Variants in RUNDC3B observed in about 807,000 individuals in gnomAD.
The protein encoded by RUNDC3B is RUN domain-containing protein 3B.
A neutral mutation model predicts 58.4 loss-of-function variants in RUNDC3B; 33 were observed. The observed-to-expected ratio is 0.56, with a 90% confidence interval of 0.43 to 0.75. The LOEUF is 0.75. Among genes scored for constraint, RUNDC3B ranks in the 30% least tolerant of loss-of-function variants. The pLI is 0.00. For synonymous variants in RUNDC3B, 193 were observed against 195.2 expected, an observed-to-expected ratio of 0.99 and a Z score of 0.10; for missense variants, 501 against 535.7, an observed-to-expected ratio of 0.94 and a Z score of 0.64.
At chr7:87,667,232 T>C (rs1361180258) in intron 2 of RUNDC3B, among the ~76,000 whole-genome samples, 5 of 152,142 alleles carry the variant, frequency 3.3e-5, no homozygotes, top group Non-Finnish European at 7.4e-5. Context: ...CTATGAAGTT[T>C]ATTCTTTTTC....
At chr7:87,723,612 A>T (rs1563163692) in intron 4 of RUNDC3B, among the ~76,000 whole-genome samples, 1 of 152,200 alleles carries the variant, frequency 6.6e-6, no homozygotes, top group Non-Finnish European at 1.5e-5. Context: ...TTTAATTATT[A>T]AAAATGAGTA....
At chr7:87,634,971 A>G (rs1821617016) in intron 1 of RUNDC3B, among the ~76,000 whole-genome samples, 1 of 152,176 alleles carries the variant, frequency 6.6e-6, no homozygotes, top group Non-Finnish European at 1.5e-5. Flanking sequence ...ACAAAAGGTC[A>G]TTTTCTCTTC....
chr7:87,778,053 G>T, intron 8 of RUNDC3B, 98 bp downstream of exon 8: 1 of 994,924 alleles, frequency 1.0e-6, no homozygotes, highest in Non-Finnish European at 1.5e-6. Context: ...AAATCTTATT[G>T]CCTGTTAAAT....
chr7:87,786,626 A>G (rs77358964), intron 8 of RUNDC3B, among the ~76,000 whole-genome samples: 135 of 152,118 alleles, frequency 8.9e-4, no homozygotes, highest in East Asian at 8.1e-3. Context: ...AGATAATTTC[A>G]TTTTTCTTTT....
At chr7:87,694,768 A>C (rs1828349385) in intron 2 of RUNDC3B, among the ~76,000 whole-genome samples, 1 of 152,182 alleles carries the variant, frequency 6.6e-6, no homozygotes, top group African/African-American at 2.4e-5. Context: ...GGAAAAAACA[A>C]AACGTTTGTT....
chr7:87,726,042 G>C (rs1266364454), intron 4 of RUNDC3B, among the ~76,000 whole-genome samples: 1 of 151,954 alleles, frequency 6.6e-6, no homozygotes, highest in Non-Finnish European at 1.5e-5. Context: ...TCTGTAGGTT[G>C]CCTGTTCACT....
intron 8 of RUNDC3B, among the ~76,000 whole-genome samples, chr7:87,791,245 T>C (rs1835506672): frequency 1.3e-5 from 2 of 152,068 alleles, no homozygotes; most frequent in South Asian, 4.1e-4. Context: ...AAAATATCCT[T>C]CAAACATGAA....
At chr7:87,658,062 A>G (rs139593408) in intron 2 of RUNDC3B, among the ~76,000 whole-genome samples, 202 of 152,344 alleles carry the variant, frequency 1.3e-3, no homozygotes, top group African/African-American at 4.4e-3. Context: ...AATAAAAGAT[A>G]GTCAATAGAT....
At chr7:87,823,528 T>C (rs1255093329) in intron 10 of RUNDC3B, among the ~76,000 whole-genome samples, 6 of 152,042 alleles carry the variant, frequency 3.9e-5, no homozygotes, top group Non-Finnish European at 8.8e-5. Flanking sequence ...ACCTGAGCAG[T>C]ATACACTGCA....
chr7:87,671,539 G>C (rs761102214), intron 2 of RUNDC3B, among the ~76,000 whole-genome samples: 33 of 152,110 alleles, frequency 2.2e-4, no homozygotes, highest in Non-Finnish European at 2.6e-4. Flanking sequence ...CTAGTACCTG[G>C]AGGTATCACC....
intron 10 of RUNDC3B, among the ~76,000 whole-genome samples, chr7:87,827,901 T>C (rs1205727910): frequency 6.6e-6 from 1 of 152,164 alleles, no homozygotes; most frequent in Non-Finnish European, 1.5e-5. Flanking sequence ...CAGTGGTGCA[T>C]GCCTGTAATC....
intron 1 of RUNDC3B, among the ~76,000 whole-genome samples, chr7:87,639,311 C>T (rs1293405501): frequency 6.6e-6 from 1 of 152,034 alleles, no homozygotes; most frequent in Non-Finnish European, 1.5e-5. Flanking sequence ...CTTTATGATG[C>T]AGTATATGGT....
At chr7:87,748,062 T>G (rs1832749322) in intron 6 of RUNDC3B, among the ~76,000 whole-genome samples, 1 of 152,230 alleles carries the variant, frequency 6.6e-6, no homozygotes, top group African/African-American at 2.4e-5. Context: ...CTGTGGAGTT[T>G]TAGCCCCTGC....
At chr7:87,690,011 A>G (rs1827866264) in intron 2 of RUNDC3B, among the ~76,000 whole-genome samples, 1 of 152,004 alleles carries the variant, frequency 6.6e-6, no homozygotes, top group South Asian at 2.1e-4. Context: ...TAAATTTTTT[A>G]TAGAGACAGA....
At chr7:87,806,114 A>G (rs910868330) in intron 8 of RUNDC3B, among the ~76,000 whole-genome samples, 15 of 152,194 alleles carry the variant, frequency 9.9e-5, no homozygotes, top group African/African-American at 3.4e-4. Context: ...ACTTTGGCCT[A>G]TTTTAGTATT....
At chr7:87,714,922 C>T (rs1484363667) in intron 4 of RUNDC3B, among the ~76,000 whole-genome samples, 11 of 152,096 alleles carry the variant, frequency 7.2e-5, no homozygotes, top group East Asian at 1.9e-4. Flanking sequence ...GGGGGAAGCA[C>T]GTCACGCGCT....
chr7:87,722,890 G>C (rs1830986840), intron 4 of RUNDC3B, among the ~76,000 whole-genome samples: 1 of 152,156 alleles, frequency 6.6e-6, no homozygotes, highest in African/African-American at 2.4e-5. Flanking sequence ...CCGATTCACT[G>C]AGTCCAAGTG....
chr7:87,799,502 A>G (rs978469732), intron 8 of RUNDC3B, among the ~76,000 whole-genome samples: 1 of 152,122 alleles, frequency 6.6e-6, no homozygotes, highest in African/African-American at 2.4e-5. Flanking sequence ...ATTTTCATGA[A>G]GATTGATAGC....
Position 87,731,938 on chromosome 7 carries a change from A to T in RUNDC3B, c.459-7853A>T, listed in dbSNP as rs534616831. On this transcript the variant is annotated intron_variant, in intron 4 of 10. Transcript: ENST00000394654. ...ATGGACCTAATAGATGTTGCACAGA[A>T]TATTTTATCCAATGACTGCAGAATT... Among the ~76,000 whole-genome samples the T allele has an allele frequency of 5.9e-4, 90 of 152,310 alleles. 1 individual carries two copies. The highest frequency in any genetic ancestry group is 3.7e-3 in the South Asian group (18 of 4,824).
Sources: gnomAD v4.1 joint callset for allele counts (sites outside exome capture counted in the v4.1 genomes callset) on GRCh38, gnomAD v4.1.1 for gene constraint, MANE v1.5 for transcripts, NCBI Gene and HGNC (gene_info 2026-07-23, HGNC 2026-07-21) for gene names.